Variants in ELP4 observed in about 807,000 individuals in gnomAD.
ELP4 encodes the protein elongator acetyltransferase complex subunit 4.
In ELP4, 51 loss-of-function variants were observed where a neutral mutation model predicts 48.9. The observed-to-expected ratio is 1.04, with a 90% CI of 0.83 to 1.32. ELP4 has a LOEUF of 1.32. Ranked by LOEUF, ELP4 falls within the 40% of genes most tolerant of loss-of-function variation. The pLI is 0.00. For synonymous variants in ELP4, 210 were observed against 189.2 expected (o/e 1.11, Z -0.90); for missense variants, 519 against 514.6 (o/e 1.01, Z -0.08).
intron 7 of ELP4, chr11:31,632,607 T>A (rs992534061): frequency 2.3e-6 from 1 of 426,224 alleles, no homozygotes; most frequent in Non-Finnish European, 4.1e-6. Context: ...TTCCTTGATA[T>A]TTTAGCTACA....
chr11:31,731,601 T>TGC (rs3073920), intron 9 of ELP4, among the ~76,000 whole-genome samples: 1 of 148,066 alleles, frequency 6.8e-6, no homozygotes, highest in Non-Finnish European at 1.5e-5. Context: ...TGTGTGTGTG[T>TGC]AGTCTGTGAA....
intron 3 of ELP4, among the ~76,000 whole-genome samples, chr11:31,589,914 T>G (rs1021228015): frequency 9.2e-5 from 14 of 152,192 alleles, no homozygotes; most frequent in African/African-American, 2.7e-4. Context: ...ATTTATTTGT[T>G]TGTTTATTGT....
chr11:31,678,486 CATAT>C (rs1319597953), intron 9 of ELP4, among the ~76,000 whole-genome samples: 9 of 132,836 alleles, frequency 6.8e-5, no homozygotes, highest in Non-Finnish European at 1.1e-4. Context: ...TTATTGCATA[CATAT>C]ATGTATGTGT....
At position 31,630,543 on chromosome 11, in the gene ELP4, G is replaced by T. The variant is rs187438318; in HGVS notation, c.739-1674G>T. Reference sequence around the variant, plus strand: ...AGGGTTTCACTACGTTGGCCAGGCTGGTCTCAAACTCTTGACCTTAGGCGA... The same window carrying T: ...AGGGTTTCACTACGTTGGCCAGGCTTGTCTCAAACTCTTGACCTTAGGCGA... On this transcript the variant is annotated intron_variant, in intron 6 of 9. Transcript: ENST00000640961. 4.9e-4 allele frequency among the ~76,000 whole-genome samples: 75 copies of T among 152,048 alleles called. No individual in the cohort carries two copies. In the East Asian group the frequency reaches 0.015, roughly 30 times the overall value.
intron 9 of ELP4, among the ~76,000 whole-genome samples, chr11:31,659,856 G>A (rs1013200748): frequency 1.3e-5 from 2 of 151,962 alleles, no homozygotes; most frequent in Non-Finnish European, 2.9e-5. Context: ...GCTGGGCGTG[G>A]TGGCAGGCAC....
At chr11:31,533,774 A>C (rs1459524401) in intron 2 of ELP4, among the ~76,000 whole-genome samples, 1 of 152,044 alleles carries the variant, frequency 6.6e-6, no homozygotes, top group Non-Finnish European at 1.5e-5. Context: ...ATTAGGGTGA[A>C]TGCAAAGAAA....
intron 9 of ELP4, among the ~76,000 whole-genome samples, chr11:31,679,967 G>A (rs1946022830): frequency 6.6e-6 from 1 of 152,132 alleles, no homozygotes; most frequent in Admixed American, 6.5e-5. Context: ...GCTTCCAACA[G>A]TTTGTCTTTT....
At chr11:31,637,448 TTATTA>T (rs1053403183) in intron 7 of ELP4, 12 of 151,922 alleles carry the variant, frequency 7.9e-5, no homozygotes, top group African/African-American at 2.7e-4. Flanking sequence ...TTCCTACATA[TTATTA>T]TAATTATAAG....
intron 5 of ELP4, among the ~76,000 whole-genome samples, chr11:31,621,779 A>G (rs1205441904): frequency 2.0e-5 from 3 of 151,874 alleles, no homozygotes; most frequent in Admixed American, 6.6e-5. Context: ...TCATTTGGCT[A>G]TGTTGAATGG....
chr11:31,633,952 A>G (rs1301767861), intron 7 of ELP4: 1 of 152,000 alleles, frequency 6.6e-6, no homozygotes, highest in African/African-American at 2.4e-5. Flanking sequence ...CCTGACTTCA[A>G]ACCTTATCAC....
intron 3 of ELP4, among the ~76,000 whole-genome samples, chr11:31,557,758 A>T (rs1956952972): frequency 6.6e-6 from 1 of 152,108 alleles, no homozygotes; most frequent in African/African-American, 2.4e-5. Flanking sequence ...ACAGATTCAG[A>T]ACAAAAGCCA....
chr11:31,626,696 C>T (rs139350928), intron 5 of ELP4, among the ~76,000 whole-genome samples: 1 of 151,882 alleles, frequency 6.6e-6, no homozygotes, highest in Non-Finnish European at 1.5e-5. Context: ...AAGATGAGCT[C>T]AGGTGATCAG....
chr11:31,733,336 G>C (rs1011187122), intron 9 of ELP4, among the ~76,000 whole-genome samples: 1 of 151,962 alleles, frequency 6.6e-6, no homozygotes, highest in African/African-American at 2.4e-5. Context: ...GCCTAGCCAG[G>C]AGTGGTGGCG....
chr11:31,633,906 G>A (rs1180951463), intron 7 of ELP4: 1 of 151,874 alleles, frequency 6.6e-6, no homozygotes, highest in Non-Finnish European at 1.5e-5. Flanking sequence ...TTTCCATAGG[G>A]TCACCCAGTT....
At chr11:31,678,004 C>T (rs1565107702) in intron 9 of ELP4, among the ~76,000 whole-genome samples, 1 of 152,154 alleles carries the variant, frequency 6.6e-6, no homozygotes, top group Non-Finnish European at 1.5e-5. Flanking sequence ...TCTACCTATT[C>T]ATCTTTCTCT....
intron 9 of ELP4, among the ~76,000 whole-genome samples, chr11:31,775,771 C>T (rs1314144703): frequency 6.6e-6 from 1 of 152,040 alleles, no homozygotes; most frequent in Non-Finnish European, 1.5e-5. Flanking sequence ...TCAAGACCAG[C>T]CTGACCAACA....
chr11:31,693,711 G>A (rs1047270057), intron 9 of ELP4, among the ~76,000 whole-genome samples: 3 of 152,136 alleles, frequency 2.0e-5, no homozygotes, highest in Non-Finnish European at 2.9e-5. Flanking sequence ...AGTATTTCTA[G>A]TTCTAGATCC....
intron 9 of ELP4, among the ~76,000 whole-genome samples, chr11:31,745,678 G>T (rs1387375814): frequency 7.9e-5 from 12 of 152,124 alleles, no homozygotes; most frequent in Admixed American, 3.9e-4. Flanking sequence ...TGGGAAAACT[G>T]GCTAGCCATA....
intron 5 of ELP4, among the ~76,000 whole-genome samples, chr11:31,609,984 T>G (rs908302852): frequency 1.3e-5 from 2 of 152,144 alleles, no homozygotes; most frequent in South Asian, 4.1e-4. Flanking sequence ...AGGCCAAGAC[T>G]TGAGTGAGCT....
Sources: allele counts gnomAD v4.1 joint callset (sites outside exome capture counted in the v4.1 genomes callset), GRCh38; gene constraint gnomAD v4.1.1; transcripts MANE v1.5; gene names NCBI Gene and HGNC (gene_info 2026-07-23, HGNC 2026-07-21).